PTPRD: variants seen among roughly 807,000 people sequenced by gnomAD.
PTPRD encodes protein tyrosine phosphatase receptor type D, also known as receptor-type tyrosine-protein phosphatase delta.
PTPRD carries 34 observed loss-of-function variants against 214.5 expected under a neutral mutation model. The observed-to-expected ratio is 0.16, with a 90% CI of 0.12 to 0.21. PTPRD has a LOEUF of 0.21. Among genes scored for constraint, PTPRD ranks in the 10% least tolerant of loss-of-function variants. The probability of loss-of-function intolerance (pLI) is 1.00; values close to 1 mark genes in which losing one functional copy is unlikely to be tolerated. For missense variants in PTPRD, 2,545 were observed against 2,398.7 expected (o/e 1.06, Z -1.27); for synonymous variants, 1,128 against 845.7 (o/e 1.33, Z -5.79).
chr9:10,349,224 T>C (rs2097141466), intron 2 of PTPRD, among the ~76,000 whole-genome samples: 1 of 125,108 alleles, frequency 8.0e-6, no homozygotes, highest in African/African-American at 3.0e-5. Context: ...AAATCATCTT[T>C]GGGGAAAGTC....
chr9:9,415,000 T>A lies in PTPRD; in HGVS notation c.-236-17518A>T, dbSNP rs1556527. On this transcript the variant is annotated intron_variant, in intron 8 of 45. Transcript: ENST00000381196. ...TGCTTTACTTTTGCCTTCCTGAAACTCTTTATAACTTTTAACGAGAGGACT... is the reference window on the plus strand; with the variant it reads ...TGCTTTACTTTTGCCTTCCTGAAACACTTTATAACTTTTAACGAGAGGACT... Among the ~76,000 whole-genome samples the A allele has an allele frequency of 1.6e-3, 249 of 152,314 alleles. 4 individuals are homozygous for A. Among genetic ancestry groups the A allele is most frequent in the Admixed American group, 0.014 (207 of 15,300 alleles).
intron 9 of PTPRD, among the ~76,000 whole-genome samples, chr9:9,338,459 T>A (rs1046666092): frequency 2.6e-5 from 4 of 152,152 alleles, no homozygotes; most frequent in Non-Finnish European, 5.9e-5. Context: ...AGGCTTTAGG[T>A]TTTTTTAGTT....
At chr9:8,675,481 C>A (rs2097384446) in intron 12 of PTPRD, among the ~76,000 whole-genome samples, 1 of 142,490 alleles carries the variant, frequency 7.0e-6, no homozygotes, top group Non-Finnish European at 1.5e-5. Context: ...TTATGTCATA[C>A]CCCCACCTCC....
At chr9:8,833,177 C>T (rs2097334255) in intron 11 of PTPRD, among the ~76,000 whole-genome samples, 1 of 152,066 alleles carries the variant, frequency 6.6e-6, no homozygotes, top group African/African-American at 2.4e-5. Context: ...AAGTTTACAG[C>T]TTTTCTCTTC....
intron 3 of PTPRD, among the ~76,000 whole-genome samples, chr9:10,317,173 C>T (rs150723412): frequency 1.5e-3 from 232 of 151,946 alleles, no homozygotes; most frequent in African/African-American, 5.3e-3. Context: ...CTATATAAAG[C>T]ATTTTGTCAT....
intron 35 of PTPRD, among the ~76,000 whole-genome samples, chr9:8,415,485 A>C (rs1405678469): frequency 6.6e-6 from 1 of 152,182 alleles, no homozygotes; most frequent in Non-Finnish European, 1.5e-5. Context: ...ATTTTATAAT[A>C]TTTAAGGCTG....
chr9:9,216,518 A>G (rs2099952354), intron 9 of PTPRD, among the ~76,000 whole-genome samples: 2 of 152,144 alleles, frequency 1.3e-5, no homozygotes, highest in Non-Finnish European at 2.9e-5. Flanking sequence ...TCAAAGACTA[A>G]GCCTGATTAA....
chr9:8,965,091 T>C (rs1370854898), intron 11 of PTPRD, among the ~76,000 whole-genome samples: 2 of 152,008 alleles, frequency 1.3e-5, no homozygotes, highest in African/African-American at 4.8e-5. Context: ...AGGATTCCTT[T>C]GTTAGGCCAG....
intron 39 of PTPRD, among the ~76,000 whole-genome samples, chr9:8,346,259 A>C (rs1223978164): frequency 1.3e-5 from 2 of 152,142 alleles, no homozygotes; most frequent in East Asian, 3.9e-4. Flanking sequence ...AGCTAGCAAA[A>C]GCCAATCCTT....
Position 10,486,456 on chromosome 9 carries a change from GT to G in PTPRD, c.-600+125941del. 1.3e-5 allele frequency among the ~76,000 whole-genome samples: 2 copies of G among 152,260 alleles called. 1 individual carries two copies. Among genetic ancestry groups the G allele is most frequent in the African/African-American group, 4.8e-5 (2 of 41,552 alleles). On this transcript the variant is annotated intron_variant, in intron 2 of 45. Transcript: ENST00000381196. Reference sequence around the variant, plus strand: ...ATAGGAGATTCTCTCCCCATTGCTTGTTTTGGGCAGGTTTGTCAAAGATCAG... The same window carrying G: ...ATAGGAGATTCTCTCCCCATTGCTTGTTTGGGCAGGTTTGTCAAAGATCAG...
In PTPRD at chr9:10,168,971, T is replaced by A. The variant is rs180822138; in HGVS notation, c.-544-135181A>T. ...TATGGACTGGAGGAGCCAATCCACC[T>A]GTCAGGAGTTTATTGCAGAAAAATG... is the stretch of plus-strand genomic sequence containing the variant. On this transcript the variant is annotated intron_variant, in intron 3 of 45. Transcript: ENST00000381196. 1.4e-3 allele frequency among the ~76,000 whole-genome samples: 210 copies of A among 152,290 alleles called. 1 individual carries two copies. The highest frequency in any genetic ancestry group is 3.7e-3 in the Admixed American group (56 of 15,292).
At chr9:9,139,804 T>C (rs915508709) in intron 10 of PTPRD, among the ~76,000 whole-genome samples, 1 of 152,212 alleles carries the variant, frequency 6.6e-6, no homozygotes, top group African/African-American at 2.4e-5. Context: ...AGAGAACCAC[T>C]GTACCGGCAA....
At chr9:9,911,955 A>G (rs531497482) in intron 5 of PTPRD, among the ~76,000 whole-genome samples, 1 of 152,120 alleles carries the variant, frequency 6.6e-6, no homozygotes, top group East Asian at 1.9e-4. Context: ...AGCTTATACT[A>G]CCATAATTCA....
intron 9 of PTPRD, among the ~76,000 whole-genome samples, chr9:9,283,681 T>G (rs957242095): frequency 3.3e-5 from 5 of 151,484 alleles, no homozygotes; most frequent in African/African-American, 1.2e-4. Context: ...CAAAAAAAAG[T>G]TGACTGGGGC....
At chr9:9,604,634 CATTTT>C (rs2094021258) in intron 7 of PTPRD, among the ~76,000 whole-genome samples, 1 of 152,006 alleles carries the variant, frequency 6.6e-6, no homozygotes, top group African/African-American at 2.4e-5. Context: ...ATTACTACTA[CATTTT>C]ATTTTGTCAA....
chr9:10,162,321 A>G (rs1029409087), intron 3 of PTPRD, among the ~76,000 whole-genome samples: 1 of 151,698 alleles, frequency 6.6e-6, no homozygotes, highest in Admixed American at 6.6e-5. Flanking sequence ...ATGAATGGAT[A>G]AAGGAAATGT....
chr9:10,239,314 T>A (rs551478725), intron 3 of PTPRD, among the ~76,000 whole-genome samples: 1 of 152,066 alleles, frequency 6.6e-6, no homozygotes, highest in East Asian at 1.9e-4. Flanking sequence ...ATAAAGTAAA[T>A]CTGTATTTAT....
At chr9:10,427,477 A>C (rs1391788575) in intron 2 of PTPRD, among the ~76,000 whole-genome samples, 3 of 152,092 alleles carry the variant, frequency 2.0e-5, no homozygotes, top group Non-Finnish European at 2.9e-5. Context: ...AGCCATCTTT[A>C]AACTACTTAG....
chr9:10,387,450 A>G (rs2097939862), intron 2 of PTPRD, among the ~76,000 whole-genome samples: 1 of 151,852 alleles, frequency 6.6e-6, no homozygotes, highest in East Asian at 2.0e-4. Flanking sequence ...AGGTCTCCTC[A>G]TCCTCATTAG....
Sources: gnomAD v4.1 joint callset for allele counts (sites outside exome capture counted in the v4.1 genomes callset) on GRCh38, gnomAD v4.1.1 for gene constraint, MANE v1.5 for transcripts, NCBI Gene and HGNC (gene_info 2026-07-23, HGNC 2026-07-21) for gene names.